The following BLOC1S3 variants were observed in gnomAD, a reference collection of about 807,000 sequenced individuals.
BLOC1S3 encodes biogenesis of lysosomal organelles complex 1 subunit 3.
A neutral mutation model predicts 9.1 loss-of-function variants in BLOC1S3; 7 were observed. That is an observed-to-expected ratio of 0.77 (90% CI 0.44 to 1.45). The LOEUF is 1.45. Among genes scored for constraint, BLOC1S3 ranks in the 40% most tolerant of loss-of-function variants. BLOC1S3 has a pLI of 0.01. For missense variants in BLOC1S3, 307 were observed against 315.2 expected (o/e 0.97, Z 0.20); for synonymous variants, 145 against 158.4 (o/e 0.92, Z 0.64).
rs1021933564 is a variant in BLOC1S3, at chr19:45,179,631, G to T, written c.335G>T (p.Arg112Leu). Residue 112 changes from arginine (R) to leucine (L), a missense_variant, in exon 2 of 2, where the codon CGG becomes CTG. Transcript: ENST00000433642. This position sits in a 1 kb window ranked among gnomAD's most constrained non-coding sequence, Gnocchi z 4.6. ...PAPARSLLQL[R>L]LAESQARLDH... ...CCCGCGCGCTCGCTCCTGCAACTTC[G>T]GCTGGCGGAGAGCCAGGCGCGGCTG... 6 of 1,473,546 alleles carry T rather than the reference G, an allele frequency of 4.1e-6. No individual in the cohort carries two copies. Among genetic ancestry groups the T allele is most frequent in the Admixed American group, 4.8e-5 (2 of 42,080 alleles). 91.3% of individuals were successfully genotyped at this position (1,473,546 alleles called of 1,614,324 possible). A position where few individuals can be genotyped will look rare whatever the true frequency, so the allele number is the denominator to read the frequency against.
At chr19:45,195,872 G>T (rs528008821) in intron 2 of BLOC1S3, among the ~76,000 whole-genome samples, 94 of 152,298 alleles carry the variant, frequency 6.2e-4, no homozygotes, top group African/African-American at 2.1e-3. Context: ...TGGGATTACG[G>T]GCGTGAGCCA....
intron 2 of BLOC1S3, among the ~76,000 whole-genome samples, chr19:45,200,905 C>T (rs1969686005): frequency 6.6e-6 from 1 of 152,102 alleles, no homozygotes; most frequent in Admixed American, 6.6e-5. Context: ...ATTCTTGCAG[C>T]ATCTTAGAGG....
chr19:45,216,296 C>G, intron 3 of BLOC1S3: 1 of 1,461,256 alleles, frequency 6.8e-7, no homozygotes, highest in Non-Finnish European at 9.1e-7. Context: ...GTAGCAGAAA[C>G]CAGGGGTGGT....
At chr19:45,194,468 C>T (rs139772610) in intron 2 of BLOC1S3, among the ~76,000 whole-genome samples, 1 of 152,100 alleles carries the variant, frequency 6.6e-6, no homozygotes. Context: ...CACCCGCGAT[C>T]GTTCCATTTA....
intron 3 of BLOC1S3, among the ~76,000 whole-genome samples, chr19:45,206,450 G>GGTTTTTTTTTTTTTTTT (rs1969726297): frequency 1.8e-5 from 1 of 55,152 alleles, no homozygotes; most frequent in East Asian, 5.3e-4. Context: ...GATTAATCAA[G>GGTTTTTTTTTTTTTTTT]TTTTTTTTTT....
chr19:45,209,490 C>T (rs765199166), intron 3 of BLOC1S3, among the ~76,000 whole-genome samples: 4 of 151,966 alleles, frequency 2.6e-5, no homozygotes, highest in Admixed American at 6.6e-5. Flanking sequence ...AATGCAATCT[C>T]GGCTCACTGC....
rs1383006185 is a variant in BLOC1S3 at position 45,181,159 on chromosome 19, C to T, written c.*1254C>T. The T allele has an allele frequency of 6.0e-6, 1 of 167,572 alleles. No homozygotes were observed. The highest frequency in any genetic ancestry group is 2.4e-5 in the African/African-American group (1 of 41,472). 10.4% of individuals were successfully genotyped at this position (167,572 alleles called of 1,614,324 possible). A position where few individuals can be genotyped will look rare whatever the true frequency, so the allele number is the denominator to read the frequency against. On this transcript the variant is annotated 3_prime_UTR_variant, in exon 2 of 2. Coordinates refer to ENST00000433642, the MANE Select transcript of BLOC1S3 (RefSeq NM_212550.5). ...CCCTCTCAGCCTGATTTCTGTTTCCCAAGTCCAGCAGTGTCGTGGGATAGG... is the reference window on the plus strand; with the variant it reads ...CCCTCTCAGCCTGATTTCTGTTTCCTAAGTCCAGCAGTGTCGTGGGATAGG...
chr19:45,213,480 T>A, intron 3 of BLOC1S3: 2 of 1,165,788 alleles, frequency 1.7e-6, no homozygotes, highest in Non-Finnish European at 2.4e-6. Flanking sequence ...CTGGGGCCTC[T>A]GTGTCCCCTC....
intron 2 of BLOC1S3, among the ~76,000 whole-genome samples, chr19:45,195,549 C>T (rs1969640918): frequency 2.0e-5 from 3 of 147,864 alleles, no homozygotes; most frequent in African/African-American, 5.0e-5. Flanking sequence ...CTGTTCTCCT[C>T]CCTCCCTCCT....
chr19:45,182,839 A>G (rs1969536024), downstream of BLOC1S3, among the ~76,000 whole-genome samples: 1 of 152,016 alleles, frequency 6.6e-6, no homozygotes. Flanking sequence ...TTTAGATACA[A>G]TTTTCTTGGC....
intron 3 of BLOC1S3, chr19:45,216,629 T>C (rs1408192223): frequency 1.3e-5 from 2 of 153,812 alleles, no homozygotes; most frequent in African/African-American, 4.8e-5. Flanking sequence ...GCAGAAGACA[T>C]ACTATGGCCA....
rs1270007528 is a variant in BLOC1S3 at position 45,211,435 on chromosome 19, T to C, written n.283-5241T>C. Among the ~76,000 whole-genome samples the C allele has an allele frequency of 2.7e-5, 4 of 149,154 alleles. No individual in the cohort carries two copies. In the Admixed American group the frequency reaches 2.7e-4, roughly 10 times the overall value. On this transcript the variant is annotated intron_variant and non_coding_transcript_variant, in intron 3 of 3. Transcript: ENST00000591569. ...GGCAGGAGAATAAATTGCTTGAACC[T>C]GGGAGGTGGAGGTTGCAGTGAGCTG...
At chr19:45,188,385 G>C (rs1425709212) in intron 2 of BLOC1S3, among the ~76,000 whole-genome samples, 2 of 151,762 alleles carry the variant, frequency 1.3e-5, no homozygotes, top group Non-Finnish European at 2.9e-5. Context: ...ATGTTGACCA[G>C]GCTTGTACAG....
chr19:45,199,947 G>A (rs1243602679), intron 2 of BLOC1S3, among the ~76,000 whole-genome samples: 1 of 151,908 alleles, frequency 6.6e-6, no homozygotes, highest in South Asian at 2.1e-4. Flanking sequence ...TCTATTTTTA[G>A]TAGAGACAGG....
Position 45,180,150 on chromosome 19 carries a change from T to A in BLOC1S3, c.*245T>A. The A allele has an allele frequency of 2.3e-6, 1 of 441,440 alleles. No homozygotes were observed. Among genetic ancestry groups the A allele is most frequent in the Non-Finnish European group, 4.1e-6 (1 of 243,804 alleles). 27.3% of individuals were successfully genotyped at this position (441,440 alleles called of 1,614,324 possible). A position where few individuals can be genotyped will look rare whatever the true frequency, so the allele number is the denominator to read the frequency against. On this transcript the variant is annotated 3_prime_UTR_variant, in exon 2 of 2. Coordinates refer to ENST00000433642, the MANE Select transcript of BLOC1S3 (RefSeq NM_212550.5). Reference sequence around the variant, plus strand: ...CTCTCCCGATCCTGACCCTGCCGCCTGGTTCTGAGCCTTCCCCTGGGGCTT... The same window carrying A: ...CTCTCCCGATCCTGACCCTGCCGCCAGGTTCTGAGCCTTCCCCTGGGGCTT...
chr19:45,210,279 A>G (rs1169896611), intron 3 of BLOC1S3, among the ~76,000 whole-genome samples: 2 of 143,838 alleles, frequency 1.4e-5, no homozygotes, highest in East Asian at 4.0e-4. Flanking sequence ...CATAAAATTT[A>G]CTATTTTAAC....
chr19:45,191,276 C>T (rs1439841311), intron 2 of BLOC1S3, among the ~76,000 whole-genome samples: 4 of 152,002 alleles, frequency 2.6e-5, no homozygotes, highest in South Asian at 2.1e-4. Flanking sequence ...GCATGCACCA[C>T]CACGCCCAGC....
intron 2 of BLOC1S3, among the ~76,000 whole-genome samples, chr19:45,188,549 A>AATAATTATTATT (rs1969582360): frequency 7.0e-6 from 1 of 143,318 alleles, no homozygotes; most frequent in African/African-American, 2.6e-5. Context: ...CATTCTTTCT[A>AATAATTATTATT]ATTATTATTA....
intron 2 of BLOC1S3, chr19:45,198,988 G>T (rs973642148): frequency 6.6e-6 from 1 of 152,080 alleles, no homozygotes; most frequent in South Asian, 2.1e-4. Flanking sequence ...GATTACAGAC[G>T]TGAACCACTG....
Sources: allele counts gnomAD v4.1 joint callset (sites outside exome capture counted in the v4.1 genomes callset), GRCh38; gene constraint gnomAD v4.1.1; non-coding constraint Gnocchi (gnomAD v3.1); transcripts MANE v1.5; gene names NCBI Gene and HGNC (gene_info 2026-07-23, HGNC 2026-07-21).